TPRG1: variants seen among roughly 807,000 people sequenced by gnomAD.
TPRG1 encodes tumor protein p63-regulated gene 1 protein.
TPRG1 carries 29 observed loss-of-function variants against 29.3 expected under a neutral mutation model. That is an observed-to-expected ratio of 0.99 (90% CI 0.74 to 1.35). The LOEUF is 1.35. Ranked by LOEUF, TPRG1 falls within the 40% of genes most tolerant of loss-of-function variation. The pLI is 0.00. For missense variants in TPRG1, 327 were observed against 335.0 expected (o/e 0.98, Z 0.19); for synonymous variants, 130 against 116.8 (o/e 1.11, Z -0.73).
intron 4 of TPRG1, among the ~76,000 whole-genome samples, chr3:189,090,154 A>G (rs900747839): frequency 1.3e-5 from 2 of 152,130 alleles, no homozygotes; most frequent in African/African-American, 4.8e-5. Flanking sequence ...ATTCTTCTGA[A>G]TATTACTTTA....
chr3:189,164,455 C>T (rs910239517), intron 5 of TPRG1, among the ~76,000 whole-genome samples: 3 of 152,180 alleles, frequency 2.0e-5, no homozygotes, highest in Non-Finnish European at 1.5e-5. Flanking sequence ...AGCCACCAAG[C>T]CTGGCCCCTA....
At chr3:189,312,560 A>C (rs191713341) in intron 5 of TPRG1, among the ~76,000 whole-genome samples, 10 of 152,248 alleles carry the variant, frequency 6.6e-5, no homozygotes, top group Admixed American at 5.9e-4. Context: ...CTTATTCCTC[A>C]TACCTTGTGC....
Position 189,207,429 on chromosome 3 carries a change from G to C in TPRG1, c.45G>C (p.Leu15=). ...TTGAAGGATTCCAGGCTGTGTCTCT[G>C]AAGCAAGAGGGAGATGACCAACCCT... ...GSFEGFQAVS[L]KQEGDDQPSE... Residue 15 remains leucine (L), a synonymous_variant, in exon 2 of 6, where the codon CTG becomes CTC. Transcript: ENST00000345063. The C allele has an allele frequency of 6.2e-7, 1 of 1,614,006 alleles. No homozygotes were observed. Among genetic ancestry groups the C allele is most frequent in the Non-Finnish European group, 8.5e-7 (1 of 1,179,950 alleles).
intron 3 of TPRG1, among the ~76,000 whole-genome samples, chr3:189,223,849 G>C (rs1737293130): frequency 6.6e-6 from 1 of 151,838 alleles, no homozygotes; most frequent in African/African-American, 2.4e-5. Flanking sequence ...TGTAAGAGTT[G>C]GCTTTTAATT....
chr3:189,036,591 A>G (rs849007), intron 4 of TPRG1, among the ~76,000 whole-genome samples: 128,648 of 151,960 alleles, frequency 0.85, 56,431 homozygotes, highest in Non-Finnish European at 0.95. Flanking sequence ...GAGGAATAAT[A>G]AAATAATAAA....
At chr3:189,101,078 C>G (rs1461713984) in intron 1 of TPRG1, among the ~76,000 whole-genome samples, 2 of 152,202 alleles carry the variant, frequency 1.3e-5, no homozygotes, top group Non-Finnish European at 2.9e-5. Flanking sequence ...GTCATTACAG[C>G]TCCTCTCTCA....
chr3:189,020,007 A>G (rs1387663939), intron 3 of TPRG1, among the ~76,000 whole-genome samples: 4 of 151,384 alleles, frequency 2.6e-5, no homozygotes, highest in African/African-American at 9.7e-5. Flanking sequence ...TAGATTTTCT[A>G]GTTTATTTGC....
upstream of TPRG1, among the ~76,000 whole-genome samples, chr3:189,168,243 A>T (rs1728389710): frequency 6.6e-6 from 1 of 152,236 alleles, no homozygotes; most frequent in Non-Finnish European, 1.5e-5. Context: ...TTCAAATAAA[A>T]TATGCATATT....
At chr3:189,106,369 A>G (rs371667719) in intron 1 of TPRG1, among the ~76,000 whole-genome samples, 1 of 152,076 alleles carries the variant, frequency 6.6e-6, no homozygotes, top group Non-Finnish European at 1.5e-5. Flanking sequence ...CAAATCTCTG[A>G]AAAGCTTTTT....
At chr3:189,251,224 G>C (rs926091295) in intron 4 of TPRG1, among the ~76,000 whole-genome samples, 2 of 152,038 alleles carry the variant, frequency 1.3e-5, no homozygotes, top group Non-Finnish European at 2.9e-5. Flanking sequence ...TAGCAGACAA[G>C]TGCCAGCATA....
At chr3:189,220,750 A>G (rs987433635) in intron 3 of TPRG1, among the ~76,000 whole-genome samples, 3 of 152,172 alleles carry the variant, frequency 2.0e-5, no homozygotes, top group Non-Finnish European at 4.4e-5. Flanking sequence ...AACTCCATCC[A>G]TGTCCCTGCA....
At position 189,231,943 on chromosome 3, in the gene TPRG1, T is replaced by TTGTGTG. The variant is rs10576562; in HGVS notation, c.303-6764_303-6759dup. 8.9e-3 allele frequency among the ~76,000 whole-genome samples: 1,313 copies of TTGTGTG among 147,692 alleles called. 16 individuals carry two copies. Among genetic ancestry groups the TTGTGTG allele is most frequent in the African/African-American group, 0.03 (1,213 of 40,432 alleles). On this transcript the variant is annotated intron_variant, in intron 3 of 5. Transcript: ENST00000345063. ...AAATTTCAGAAGCTTCAAACCTGGT[T>TTGTGTG]TGTGTGTGTGTGTGTGTGTGTGTGT...
chr3:189,042,354 G>T (rs1714689170), intron 4 of TPRG1, among the ~76,000 whole-genome samples: 1 of 151,958 alleles, frequency 6.6e-6, no homozygotes, highest in Non-Finnish European at 1.5e-5. Context: ...ATCCTGATCT[G>T]CTAGGTGTAT....
intron 1 of TPRG1, among the ~76,000 whole-genome samples, chr3:189,111,873 G>A (rs1447641623): frequency 6.6e-6 from 1 of 152,080 alleles, no homozygotes; most frequent in African/African-American, 2.4e-5. Flanking sequence ...GAACATCTTT[G>A]CCTTGATTCT....
intron 4 of TPRG1, among the ~76,000 whole-genome samples, chr3:189,253,207 C>T (rs1742558377): frequency 6.6e-6 from 1 of 152,140 alleles, no homozygotes; most frequent in South Asian, 2.1e-4. Flanking sequence ...CCCCTCACCC[C>T]CCAACTGGCC....
intron 3 of TPRG1, among the ~76,000 whole-genome samples, chr3:189,142,342 A>G (rs1455011555): frequency 1.3e-5 from 2 of 152,130 alleles, no homozygotes; most frequent in African/African-American, 2.4e-5. Flanking sequence ...AGCACTGAAG[A>G]TATGCTAGAT....
chr3:189,237,073 A>G (rs1173859962), intron 3 of TPRG1, among the ~76,000 whole-genome samples: 1 of 152,212 alleles, frequency 6.6e-6, no homozygotes, highest in South Asian at 2.1e-4. Flanking sequence ...TAGAAAGGTT[A>G]AAAGTCCAAT....
intron 3 of TPRG1, among the ~76,000 whole-genome samples, chr3:189,224,435 G>A (rs939063460): frequency 2.0e-5 from 3 of 152,062 alleles, no homozygotes; most frequent in South Asian, 2.1e-4. Context: ...AACCAAGATC[G>A]TGCCACTGCA....
chr3:189,024,042 T>A (rs957638543), intron 4 of TPRG1: 1 of 152,264 alleles, frequency 6.6e-6, no homozygotes, highest in African/African-American at 2.4e-5. Flanking sequence ...TGTTGGGGGA[T>A]CCCTTCAGTC....
Sources: gnomAD v4.1 joint callset for allele counts (sites outside exome capture counted in the v4.1 genomes callset) on GRCh38, gnomAD v4.1.1 for gene constraint, MANE v1.5 for transcripts, NCBI Gene and HGNC (gene_info 2026-07-23, HGNC 2026-07-21) for gene names.